The following MPRIP variants were observed in gnomAD, a reference collection of about 807,000 sequenced individuals.
MPRIP encodes the protein myosin phosphatase Rho-interacting protein.
Under a neutral mutation model 234.9 loss-of-function variants are expected in MPRIP, and 59 were observed. The observed-to-expected ratio is 0.25, with a 90% CI of 0.20 to 0.31. The LOEUF (loss-of-function observed/expected upper bound fraction) is 0.31. Among genes scored for constraint, MPRIP ranks in the 10% least tolerant of loss-of-function variants. The pLI is 1.00. For synonymous variants in MPRIP, 1,144 were observed against 1,263.9 expected (o/e 0.91, Z 2.01); for missense variants, 2,436 against 3,071.0 (o/e 0.79, Z 4.89).
At position 17,185,126 on chromosome 17, in the gene MPRIP, A is replaced by G. The variant is rs2046450699; in HGVS notation, c.*232A>G. 2 of 395,336 alleles carry G rather than the reference A, an allele frequency of 5.1e-6. No homozygotes were observed. Among genetic ancestry groups the G allele is most frequent in the Admixed American group, 7.1e-5 (2 of 28,010 alleles). 24.5% of individuals were successfully genotyped at this position (395,336 alleles called of 1,614,324 possible). ...AAGCTTTTTTCCGTGGTATTCTAAAATTAGGCCAGCAGTGGGGGCTGGGAG... is the reference window on the plus strand; with the variant it reads ...AAGCTTTTTTCCGTGGTATTCTAAAGTTAGGCCAGCAGTGGGGGCTGGGAG... On this transcript the variant is annotated 3_prime_UTR_variant, in exon 24 of 24. Transcript: ENST00000651222.
intron 6 of MPRIP, 44 bp downstream of exon 6, chr17:17,136,494 C>G: frequency 6.4e-7 from 1 of 1,555,742 alleles, no homozygotes; most frequent in Non-Finnish European, 8.8e-7. Context: ...GAATGGCCCT[C>G]CCTCCCATCA....
At chr17:17,051,112 G>A (rs1017996395) in intron 1 of MPRIP, among the ~76,000 whole-genome samples, 3 of 152,152 alleles carry the variant, frequency 2.0e-5, no homozygotes, top group African/African-American at 7.2e-5. Flanking sequence ...CTGATGGAAT[G>A]GGGAGTTCCT....
At chr17:17,171,929 A>T (rs1354378740) in intron 17 of MPRIP, 64 bp downstream of exon 17, 1 of 1,517,300 alleles carries the variant, frequency 6.6e-7, no homozygotes, top group Non-Finnish European at 8.9e-7. Flanking sequence ...CTAGACACAC[A>T]ACTCAGAGGA....
At chr17:17,128,366 G>T (rs1248355776) in intron 4 of MPRIP, among the ~76,000 whole-genome samples, 1 of 152,170 alleles carries the variant, frequency 6.6e-6, no homozygotes, top group Admixed American at 6.5e-5. Context: ...GGTATGTGTT[G>T]TACCATGTGG....
intron 1 of MPRIP, among the ~76,000 whole-genome samples, chr17:17,065,400 T>C (rs984550883): frequency 3.7e-5 from 4 of 108,278 alleles, no homozygotes; most frequent in Non-Finnish European, 7.8e-5. Flanking sequence ...TTTTTTTTTT[T>C]GCCTGTGGAC....
chr17:17,106,341 AAGCC>A (rs570357561), intron 3 of MPRIP, among the ~76,000 whole-genome samples: 22 of 152,328 alleles, frequency 1.4e-4, no homozygotes, highest in African/African-American at 5.3e-4. Context: ...CGACTTGTAG[AAGCC>A]CCTCTGCCCA....
At chr17:17,136,709 G>A (rs192993500) in intron 6 of MPRIP, among the ~76,000 whole-genome samples, 2 of 152,336 alleles carry the variant, frequency 1.3e-5, no homozygotes, top group African/African-American at 4.8e-5. Context: ...AGCCCCAGTT[G>A]CTTGTCAGGA....
intron 16 of MPRIP, chr17:17,168,962 T>C: frequency 2.2e-6 from 1 of 457,016 alleles, no homozygotes; most frequent in Non-Finnish European, 4.4e-6. Flanking sequence ...CCGTTACTCC[T>C]GTAGCTCTGA....
intron 3 of MPRIP, among the ~76,000 whole-genome samples, chr17:17,123,992 A>C (rs1471133500): frequency 1.3e-5 from 2 of 152,344 alleles, no homozygotes; most frequent in Non-Finnish European, 1.5e-5. Context: ...TAGTTAATAC[A>C]TGCTAATTTC....
In MPRIP at chr17:17,136,421, T is replaced by C. The variant is rs2090699992; in HGVS notation, c.707T>C (p.Leu236Pro). 2 of 1,610,048 alleles carry C rather than the reference T, an allele frequency of 1.2e-6. No homozygotes were observed. Among genetic ancestry groups the C allele is most frequent in the Non-Finnish European group, 1.7e-6 (2 of 1,178,190 alleles). Reference protein sequence around the residue: ...SQSQPPAASSLREPGLESKEE... With the variant: ...SQSQPPAASSPREPGLESKEE... ...AGCCAGCCTCCTGCTGCCAGCTCCC[T>C]GCGGGAACCTGGGCTAGAGAGCAAA... Residue 236 changes from leucine (L) to proline (P), a missense_variant, in exon 6 of 24, where the codon CTG (leucine) becomes CCG (proline). Leu to Pro is a moderately conservative substitution (Grantham distance 98). This residue lies in a region of MPRIP where 267 missense variants were observed against 252.7 expected (regional missense o/e 1.06). Transcript: ENST00000651222.
intron 2 of MPRIP, among the ~76,000 whole-genome samples, chr17:17,076,741 C>CA (rs2089338109): frequency 6.6e-6 from 1 of 152,132 alleles, no homozygotes; most frequent in Non-Finnish European, 1.5e-5. Context: ...ATCACTGGTC[C>CA]AGCTGGGCTG....
intron 15 of MPRIP, 62 bp downstream of exon 15, chr17:17,161,418 T>C (rs1253513819): frequency 2.0e-5 from 25 of 1,252,856 alleles, no homozygotes; most frequent in Non-Finnish European, 2.8e-5. Flanking sequence ...GAAGGGTTCA[T>C]GCTCAGGCAG....
chr17:17,156,652 G>A (rs1192883659), intron 13 of MPRIP, among the ~76,000 whole-genome samples: 3 of 152,156 alleles, frequency 2.0e-5, no homozygotes, highest in South Asian at 2.1e-4. Flanking sequence ...TAGGGAGTGC[G>A]GCCGGTTCTG....
At chr17:17,164,034 TC>T in intron 15 of MPRIP, 74 bp from the exon 16 acceptor site, 1 of 1,071,432 alleles carries the variant, frequency 9.3e-7, no homozygotes, top group Non-Finnish European at 1.3e-6. Context: ...CTGTGGTTGT[TC>T]CTGGCCAGAG....
rs565734023 is a variant in MPRIP at position 17,167,865 on chromosome 17, G to A, written c.6274G>A (p.Asp2092Asn). The A allele has an allele frequency of 1.1e-5, 14 of 1,304,172 alleles. No individual in the cohort carries two copies. Among genetic ancestry groups the A allele is most frequent in the East Asian group, 1.1e-4 (2 of 18,028 alleles). The allele number at this position is 1,304,172 out of a possible 1,614,324, so 80.8% of individuals were successfully genotyped here. A position where few individuals can be genotyped will look rare whatever the true frequency, so the allele number is the denominator to read the frequency against. ...EELGHKDLEG[D>N]AATLREKYQR... ...GCTGGGACACAAGGACCTGGAGGGC[G>A]ACGCGGCCACACTGCGTGAGAAGTA... Residue 2092 changes from aspartate to asparagine, a missense_variant, in exon 16 of 24, where the codon GAC becomes AAC. Physicochemically the swap from Asp to Asn is conservative, Grantham distance 23 (BLOSUM62 1). Coordinates refer to ENST00000651222, the MANE Select transcript of MPRIP (RefSeq NM_001364716.4). This position sits in a 1 kb window ranked among gnomAD's most constrained non-coding sequence, Gnocchi z 5.9.
At chr17:17,085,874 C>T (rs1197830896) in intron 3 of MPRIP, among the ~76,000 whole-genome samples, 1 of 152,194 alleles carries the variant, frequency 6.6e-6, no homozygotes, top group Non-Finnish European at 1.5e-5. Flanking sequence ...GATCACGCCA[C>T]TGCACTCCAG....
At chr17:17,120,472 G>A (rs551813711) in intron 3 of MPRIP, among the ~76,000 whole-genome samples, 4 of 152,216 alleles carry the variant, frequency 2.6e-5, no homozygotes, top group East Asian at 3.9e-4. Context: ...ACAGAGGACC[G>A]GCAGGAGGAG....
At chr17:17,129,084 C>T (rs746175534) in intron 4 of MPRIP, among the ~76,000 whole-genome samples, 1 of 152,166 alleles carries the variant, frequency 6.6e-6, no homozygotes, top group Admixed American at 6.5e-5. Context: ...CTGACAGCTG[C>T]GTGGGCTGCC....
At chr17:17,059,579 G>C (rs1328778021) in intron 1 of MPRIP, among the ~76,000 whole-genome samples, 1 of 152,248 alleles carries the variant, frequency 6.6e-6, no homozygotes, top group Non-Finnish European at 1.5e-5. Context: ...TCTGAAGTCT[G>C]TCATTTGCCC....
Sources: gnomAD v4.1 joint callset for allele counts (sites outside exome capture counted in the v4.1 genomes callset) on GRCh38, gnomAD v4.1.1 for gene constraint, gnomAD v4.1.1 regional missense constraint, Gnocchi (gnomAD v3.1) non-coding constraint, MANE v1.5 for transcripts, NCBI Gene and HGNC (gene_info 2026-07-23, HGNC 2026-07-21) for gene names.